Variants in COL14A1 observed in about 807,000 individuals in gnomAD.
COL14A1 encodes the protein collagen alpha-1(XIV) chain.
COL14A1 carries 136 observed loss-of-function variants against 230.3 expected under a neutral mutation model. The ratio of observed to expected loss-of-function variants is 0.59; its 90% CI spans 0.51 to 0.68. COL14A1 has a LOEUF of 0.68. COL14A1 is among the 30% of genes least tolerant of loss of function. COL14A1 has a pLI of 0.00. For synonymous variants in COL14A1, 792 were observed against 784.1 expected, an observed-to-expected ratio of 1.01 and a Z score of -0.17; for missense variants, 1,976 against 2,215.8, an observed-to-expected ratio of 0.89 and a Z score of 2.17.
At chr8:120,355,948 A>G (rs750029397) in intron 45 of COL14A1, among the ~76,000 whole-genome samples, 15 of 152,168 alleles carry the variant, frequency 9.9e-5, no homozygotes, top group Non-Finnish European at 1.9e-4. Context: ...AGATAATACT[A>G]TTATTTATAG....
chr8:120,340,719 G>A (rs1382908585), intron 42 of COL14A1, among the ~76,000 whole-genome samples: 2 of 152,130 alleles, frequency 1.3e-5, no homozygotes, highest in African/African-American at 4.8e-5. Flanking sequence ...GAGTAGCTAA[G>A]CCACATAATA....
intron 45 of COL14A1, among the ~76,000 whole-genome samples, chr8:120,360,199 G>A (rs1281358247): frequency 6.6e-6 from 1 of 152,192 alleles, no homozygotes; most frequent in African/African-American, 2.4e-5. Context: ...AGGACTCCAG[G>A]CTGCCTTAAC....
At chr8:120,159,393 G>T (rs1435833788) in intron 3 of COL14A1, among the ~76,000 whole-genome samples, 2 of 151,990 alleles carry the variant, frequency 1.3e-5, no homozygotes, top group African/African-American at 4.8e-5. Context: ...GTTCTCCAAG[G>T]ATCCATTTTC....
chr8:120,194,114 A>G (rs1816942494), intron 5 of COL14A1, among the ~76,000 whole-genome samples: 1 of 152,172 alleles, frequency 6.6e-6, no homozygotes, highest in Non-Finnish European at 1.5e-5. Context: ...CCTCAGATGG[A>G]AATGCAGAAA....
rs774396140 is a variant in COL14A1, at chr8:120,297,550, T to C, written c.4276T>C (p.Trp1426Arg). The stretch of plus-strand genomic sequence containing the variant: ...GTTTGATATTGTTTGCTCCACATCA[T>C]GGGCCAATACAGACAAATGCTGTGA... Reference protein sequence around the residue: ...QMFDIVCSTSWANTDKCCELP... With the variant: ...QMFDIVCSTSRANTDKCCELP... Residue 1426 changes from tryptophan (W) to arginine (R), a missense_variant, in exon 35 of 48, where the codon TGG (tryptophan) becomes CGG (arginine). Trp to Arg is a moderately radical substitution (Grantham distance 101, BLOSUM62 -3). Transcript: ENST00000297848. 1 of 1,463,128 alleles carries C rather than the reference T, an allele frequency of 6.8e-7. No individual in the cohort carries two copies. Among genetic ancestry groups the C allele is most frequent in the Non-Finnish European group, 9.0e-7 (1 of 1,109,070 alleles). 90.6% of individuals were successfully genotyped at this position (1,463,128 alleles called of 1,614,324 possible).
At chr8:120,166,875 AGTGTGTGTGTGTGTGTGT>A (rs4053270) in intron 4 of COL14A1, among the ~76,000 whole-genome samples, 61 of 117,064 alleles carry the variant, frequency 5.2e-4, no homozygotes, top group Middle Eastern at 4.2e-3. Flanking sequence ...AAAGAATTTA[AGTGTGTGTGTGTGTGTGT>A]GTGTGTGTGT....
chr8:120,353,825 C>T (rs527677318), intron 45 of COL14A1, among the ~76,000 whole-genome samples: 5 of 151,968 alleles, frequency 3.3e-5, no homozygotes, highest in East Asian at 3.9e-4. Flanking sequence ...TTGTGGAATT[C>T]GGTGTGGCGA....
At chr8:120,228,832 A>G in intron 18 of COL14A1, 63 bp downstream of exon 18, 1 of 1,345,358 alleles carries the variant, frequency 7.4e-7, no homozygotes, top group Non-Finnish European at 1.1e-6. Flanking sequence ...ATGTTATATT[A>G]TCCTGGTTTT....
intron 36 of COL14A1, among the ~76,000 whole-genome samples, chr8:120,304,878 ATGGTTATATGTT>A (rs1820812419): frequency 6.6e-6 from 1 of 152,044 alleles, no homozygotes; most frequent in South Asian, 2.1e-4. Flanking sequence ...CCCTAGTTGG[ATGGTTATATGTT>A]TAGTTAAAAC....
At chr8:120,289,524 G>T (rs192686517) in intron 33 of COL14A1, 84 bp from the exon 34 acceptor site, 4 of 1,236,594 alleles carry the variant, frequency 3.2e-6, no homozygotes, top group Non-Finnish European at 3.4e-6. Context: ...TTCATACTTT[G>T]TAATGATGAA....
intron 37 of COL14A1, 81 bp downstream of exon 37, chr8:120,310,143 G>A: frequency 7.0e-7 from 1 of 1,427,556 alleles, no homozygotes; most frequent in South Asian, 1.3e-5. Flanking sequence ...AGCTAAATGT[G>A]ACTTATTTCA....
In COL14A1 at chr8:120,162,471, C is replaced by T. The variant is rs1815712290; in HGVS notation, c.251C>T (p.Ala84Val). The change falls in exon 4 of 48, where the codon GCA (alanine) becomes GTA (valine). Residue 84 changes from alanine (A) to valine (V), a missense_variant. Physicochemically the swap from Ala to Val is moderately conservative, Grantham distance 64 (BLOSUM62 0). Transcript: ENST00000297848. ...QLNLQNTATK[A>V]IIQGLMPDQN... ...AATCTGCAGAACACTGCAACTAAAG[C>T]AATTATTCAAGGCCTTATGCCAGAC... 6.2e-7 allele frequency: 1 copy of T among 1,611,900 alleles called. No homozygotes were observed. The highest frequency in any genetic ancestry group is 1.7e-5 in the Admixed American group (1 of 59,664).
intron 18 of COL14A1, among the ~76,000 whole-genome samples, chr8:120,230,347 C>G (rs1427319176): frequency 6.6e-6 from 1 of 152,144 alleles, no homozygotes; most frequent in East Asian, 1.9e-4. Flanking sequence ...TGGTAAAACA[C>G]AAGTTTGATA....
chr8:120,255,226 C>CTTT lies in COL14A1; in HGVS notation c.2753-13_2753-12insTTT. 5.6e-6 allele frequency: 9 copies of CTTT among 1,595,736 alleles called. No individual in the cohort carries two copies. The highest frequency in any genetic ancestry group is 7.7e-6 in the Non-Finnish European group (9 of 1,163,212). ...TCTGCGGTGTGATACAGTTATGTTT[C>CTTT]TATTTCATTCCAGTGTTCTTGGGTG... On this transcript the variant is annotated splice_polypyrimidine_tract_variant and intron_variant, in intron 22 of 47. Coordinates refer to ENST00000297848, the MANE Select transcript of COL14A1 (RefSeq NM_021110.4).
chr8:120,254,818 C>CTA (rs1819086762), intron 22 of COL14A1, among the ~76,000 whole-genome samples: 1 of 74,128 alleles, frequency 1.3e-5, no homozygotes, highest in Non-Finnish European at 2.6e-5. Context: ...AACACTGCCT[C>CTA]TACAAAAAAA....
chr8:120,323,593 A>G (rs1366264522), intron 40 of COL14A1, among the ~76,000 whole-genome samples: 2 of 152,132 alleles, frequency 1.3e-5, no homozygotes, highest in African/African-American at 4.8e-5. Flanking sequence ...TAATATTTGT[A>G]TATGGTATAA....
intron 13 of COL14A1, chr8:120,213,891 CTTAA>C (rs1817679191): frequency 7.4e-6 from 3 of 402,870 alleles, no homozygotes; most frequent in Middle Eastern, 3.5e-4. Context: ...GTGCACACTA[CTTAA>C]TTATATTGCT....
chr8:120,365,829 T>C (rs1823390806), intron 45 of COL14A1, among the ~76,000 whole-genome samples: 1 of 152,166 alleles, frequency 6.6e-6, no homozygotes, highest in Admixed American at 6.5e-5. Flanking sequence ...CAAGGTGACA[T>C]GCAATAGGAT....
At chr8:120,325,941 G>A (rs900671783) in intron 40 of COL14A1, among the ~76,000 whole-genome samples, 1 of 152,192 alleles carries the variant, frequency 6.6e-6, no homozygotes, top group African/African-American at 2.4e-5. Flanking sequence ...ACCATTCAAT[G>A]AGCTTTGATT....
Sources: gnomAD v4.1 joint callset for allele counts (sites outside exome capture counted in the v4.1 genomes callset) on GRCh38, gnomAD v4.1.1 for gene constraint, MANE v1.5 for transcripts, NCBI Gene and HGNC (gene_info 2026-07-23, HGNC 2026-07-21) for gene names.